Variants in NACAD observed in about 807,000 individuals in gnomAD.
The protein encoded by NACAD is NAC alpha domain containing.
In NACAD, 47 loss-of-function variants were observed where a neutral mutation model predicts 98.9. The observed-to-expected ratio is 0.48, with a 90% CI of 0.38 to 0.61. The LOEUF (loss-of-function observed/expected upper bound fraction) is 0.61. Among genes scored for constraint, NACAD ranks in the 20% least tolerant of loss-of-function variants. The pLI is 0.00. For synonymous variants in NACAD, 696 were observed against 767.2 expected (o/e 0.91, Z 1.53); for missense variants, 1,412 against 1,748.2 (o/e 0.81, Z 3.43).
chr7:45,086,174 C>G, intron 1 of NACAD, 62 bp from the exon 2 acceptor site: 3 of 1,499,418 alleles, frequency 2.0e-6, no homozygotes, highest in Non-Finnish European at 2.7e-6. Context: ...AGGGCCAGGC[C>G]CGGGGAGATG....
rs1310448830 is a variant in NACAD, at chr7:45,084,864, C to T, written c.1316G>A (p.Gly439Glu). ...AGCCTCCACGGCCCAGGACACAGTC[C>T]CATCCTGAGCCTGCAGCCCCTTGGC... is the stretch of plus-strand genomic sequence containing the variant. The part of the protein sequence containing the change: ...GGAKGLQAQD[G>E]TVSWAVEAAP... The change falls in exon 2 of 8, where the codon GGG becomes GAG. Residue 439 changes from glycine to glutamate, a missense_variant. By Grantham distance (98) the Gly-to-Glu change is moderately conservative. Coordinates refer to ENST00000490531, the MANE Select transcript of NACAD (RefSeq NM_001146334.2). 1 of 1,550,988 alleles carries T rather than the reference C, an allele frequency of 6.4e-7. No individual in the cohort carries two copies.
At chr7:45,081,709 G>A (rs1363177880) in intron 3 of NACAD, 37 bp from the exon 4 acceptor site, 1 of 1,551,182 alleles carries the variant, frequency 6.4e-7, no homozygotes, top group East Asian at 2.4e-5. Flanking sequence ...CATGGGTGGG[G>A]TGTGGGGCCC....
At position 45,082,874 on chromosome 7, in the gene NACAD, C is replaced by T. The variant is rs1784455929; in HGVS notation, c.3306G>A (p.Glu1102=). Residue 1102 remains glutamate (E), a synonymous_variant, in exon 2 of 8, where the codon GAG becomes GAA. Coordinates refer to ENST00000490531, the MANE Select transcript of NACAD (RefSeq NM_001146334.2). This position sits in a 1 kb window ranked among gnomAD's most constrained non-coding sequence, Gnocchi z 4.5. ...GPRSALGGAR[E]VPDAPPAACP... ...AGGCAGCAGGAGGCGCATCGGGGAC[C>T]TCCCTTGCACCTCCAAGTGCTGACC... The T allele has an allele frequency of 1.3e-6, 2 of 1,550,534 alleles. No homozygotes were observed. The highest frequency in any genetic ancestry group is 2.4e-5 in the South Asian group (2 of 84,054).
rs928317982 is a variant in NACAD, at chr7:45,088,154, C to T, written c.67+674G>A. ...GACCTCCACGCCAGGACTGTCCAGG[C>T]TCGGCTCTTTCTAGGCCCCGTAGAC... On this transcript the variant is annotated intron_variant, in intron 1 of 7. Transcript: ENST00000490531. The surrounding 1 kb of genome is among the most constrained non-coding windows in gnomAD (Gnocchi z 5.7). 1.3e-5 allele frequency among the ~76,000 whole-genome samples: 2 copies of T among 152,214 alleles called. No individual in the cohort carries two copies. The highest frequency in any genetic ancestry group is 2.4e-5 in the African/African-American group (1 of 41,466).
Position 45,084,897 on chromosome 7 carries a change from C to T in NACAD, c.1283G>A (p.Gly428Glu), listed in dbSNP as rs545435444. Residue 428 changes from glycine to glutamate, a missense_variant, in exon 2 of 8, where the codon GGA becomes GAA. By Grantham distance (98) the Gly-to-Glu change is moderately conservative (BLOSUM62 -2). Coordinates refer to ENST00000490531, the MANE Select transcript of NACAD (RefSeq NM_001146334.2). ...DSVQKTEEES[G>E]GGAKGLQAQD... is the part of the protein sequence containing the mutation. The stretch of plus-strand genomic sequence containing the variant: ...AGCCTGCAGCCCCTTGGCCCCACCT[C>T]CGCTCTCCTCCTCTGTCTTCTGGAC... 7 of 1,551,084 alleles carry T rather than the reference C, an allele frequency of 4.5e-6. No homozygotes were observed. Among genetic ancestry groups the T allele is most frequent in the African/African-American group, 4.1e-5 (3 of 73,162 alleles).
chr7:45,081,643 G>A lies in NACAD; in HGVS notation c.4215C>T (p.Ile1405=), dbSNP rs1051840874. 8 of 1,551,278 alleles carry A rather than the reference G, an allele frequency of 5.2e-6. No homozygotes were observed. The highest frequency in any genetic ancestry group is 4.1e-5 in the African/African-American group (3 of 73,030). Residue 1405 remains isoleucine (I), a synonymous_variant, in exon 4 of 8, where the codon ATC becomes ATT. Coordinates refer to ENST00000490531, the MANE Select transcript of NACAD (RefSeq NM_001146334.2). The stretch of plus-strand genomic sequence containing the variant: ...CACTGCGACTCTGCTTGGCTTTGGC[G>A]ATGGTCTCCTCACTGCCGCCTGCTG... The part of the protein sequence containing the change: ...QAPAGGSEET[I]AKAKQSRSEK...
chr7:45,083,089 G>C lies in NACAD; in HGVS notation c.3091C>G (p.Pro1031Ala). The C allele has an allele frequency of 6.4e-7, 1 of 1,550,808 alleles. No individual in the cohort carries two copies. Among genetic ancestry groups the C allele is most frequent in the Non-Finnish European group, 8.7e-7 (1 of 1,147,012 alleles). Residue 1031 changes from proline to alanine, a missense_variant, in exon 2 of 8, where the codon CCT becomes GCT. Physicochemically the swap from Pro to Ala is conservative, Grantham distance 27. Coordinates refer to ENST00000490531, the MANE Select transcript of NACAD (RefSeq NM_001146334.2). The stretch of plus-strand genomic sequence containing the variant: ...TCCCCAGCACCAGAGGCCGGCTCAG[G>C]GAGACTGAGGGCCTCCATGCCCAAA... Reference protein sequence around the residue: ...STLGMEALSLPEPASGAGEEI... With the variant: ...STLGMEALSLAEPASGAGEEI...
Position 45,083,066 on chromosome 7 carries a change from C to T in NACAD, c.3114G>A (p.Gly1038=). 1 of 1,550,902 alleles carries T rather than the reference C, an allele frequency of 6.4e-7. No individual in the cohort carries two copies. Among genetic ancestry groups the T allele is most frequent in the Non-Finnish European group, 8.7e-7 (1 of 1,147,016 alleles). Reference sequence around the variant, plus strand: ...TAGAAAGGGCTTCTGCTATTTCCTCCCCAGCACCAGAGGCCGGCTCAGGGA... The same window carrying T: ...TAGAAAGGGCTTCTGCTATTTCCTCTCCAGCACCAGAGGCCGGCTCAGGGA... ...LSLPEPASGA[G]EEIAEALSRP... Residue 1038 remains glycine, a synonymous_variant, in exon 2 of 8, where the codon GGG becomes GGA. Transcript: ENST00000490531.
chr7:45,080,838 A>T, intron 6 of NACAD, 38 bp downstream of exon 6: 1 of 1,549,466 alleles, frequency 6.5e-7, no homozygotes, highest in East Asian at 2.4e-5. Context: ...AGCGCCTCCC[A>T]CCACCCCCTG....
chr7:45,088,725 G>C lies in NACAD; in HGVS notation c.67+103C>G, dbSNP rs1035627659. The C allele has an allele frequency of 4.1e-3, 3,919 of 967,442 alleles. 14 individuals carry two copies. Among genetic ancestry groups the C allele is most frequent in the Non-Finnish European group, 5.1e-3 (3,638 of 712,378 alleles). 59.9% of individuals were successfully genotyped at this position (967,442 alleles called of 1,614,324 possible). Reference sequence around the variant, plus strand: ...GGAAAGGGGAGGGGACTCGAGGGGGGCCAGGGGGATGGGGGAGAGGGGTGA... The same window carrying C: ...GGAAAGGGGAGGGGACTCGAGGGGGCCCAGGGGGATGGGGGAGAGGGGTGA... On this transcript the variant is annotated intron_variant, in intron 1 of 7. Coordinates refer to ENST00000490531, the MANE Select transcript of NACAD (RefSeq NM_001146334.2). This position sits in a 1 kb window ranked among gnomAD's most constrained non-coding sequence, Gnocchi z 5.7.
At position 45,083,160 on chromosome 7, in the gene NACAD, GC is replaced by G; in HGVS notation, c.3019del (p.Ala1007GlnfsTer35). On this transcript the variant is annotated frameshift_variant, in exon 2 of 8. Transcript: ENST00000490531. LOFTEE classifies it high-confidence loss of function. ...QVQQDDPQPA[A>X]EAGTPWAAQE... The stretch of plus-strand genomic sequence containing the variant: ...TGCGGCCCAAGGTGTCCCAGCTTCT[GC>G]AGCTGGCTGTGGGTCATCCTGTTGG... 1 of 1,550,852 alleles carries G rather than the reference GC, an allele frequency of 6.4e-7. No homozygotes were observed. Among genetic ancestry groups the G allele is most frequent in the South Asian group, 1.2e-5 (1 of 84,066 alleles).
chr7:45,087,650 A>AGAGCCCT, intron 1 of NACAD, among the ~76,000 whole-genome samples: 1 of 152,390 alleles, frequency 6.6e-6, no homozygotes, highest in Admixed American at 6.5e-5. Context: ...CAGCAGCATC[A>AGAGCCCT]GAGCCCTGAG....
chr7:45,081,061 C>T (rs777437007), intron 5 of NACAD, 39 bp from the exon 6 acceptor site: 40 of 1,550,368 alleles, frequency 2.6e-5, no homozygotes, highest in Non-Finnish European at 3.4e-5. Context: ...AGAGCCTGTC[C>T]CCCCCTTGTC....
chr7:45,084,740 A>C lies in NACAD; in HGVS notation c.1440T>G (p.Thr480=). Residue 480 remains threonine (T), a synonymous_variant, in exon 2 of 8, where the codon ACT becomes ACG. Transcript: ENST00000490531. ...GCAGAGTGTGAGGGGTCACAGTGGC[A>C]GTGGACTCCTGGCCTAAAGCAAGGC... ...EEGLALGQES[T]ATVTPHTLQV... 1 of 1,551,078 alleles carries C rather than the reference A, an allele frequency of 6.4e-7. No individual in the cohort carries two copies. Among genetic ancestry groups the C allele is most frequent in the Non-Finnish European group, 8.7e-7 (1 of 1,146,900 alleles).
chr7:45,086,198 T>C lies in NACAD; in HGVS notation c.68-86A>G, dbSNP rs933738592. The C allele has an allele frequency of 9.2e-5, 130 of 1,405,788 alleles. 1 individual carries two copies. The South Asian group carries it at 1.4e-3, about 15-fold the overall frequency. The allele number at this position is 1,405,788 out of a possible 1,614,324, so 87.1% of individuals were successfully genotyped here. On this transcript the variant is annotated intron_variant, in intron 1 of 7. Coordinates refer to ENST00000490531, the MANE Select transcript of NACAD (RefSeq NM_001146334.2). ...CCCGGGGAGATGAATTCCGGCTGCA[T>C]AGGGCCCAGAGGAAGGTGGATCCAG... is the stretch of plus-strand genomic sequence containing the variant.
At chr7:45,087,993 ACTCCCTGC>A (rs966759105) in intron 1 of NACAD, among the ~76,000 whole-genome samples, 1 of 152,094 alleles carries the variant, frequency 6.6e-6, no homozygotes, top group African/African-American at 2.4e-5. Context: ...CTGGGCCTGC[ACTCCCTGC>A]CTCCCACCTA....
In NACAD at chr7:45,088,951, C is replaced by T; in HGVS notation, c.-57G>A. 6.4e-6 allele frequency: 8 copies of T among 1,254,152 alleles called. No homozygotes were observed. The highest frequency in any genetic ancestry group is 2.7e-5 in the South Asian group (1 of 37,606). The allele number at this position is 1,254,152 out of a possible 1,614,324, so 77.7% of individuals were successfully genotyped here. On this transcript the variant is annotated 5_prime_UTR_variant, in exon 1 of 8. Transcript: ENST00000490531. This position sits in a 1 kb window ranked among gnomAD's most constrained non-coding sequence, Gnocchi z 5.7. Reference sequence around the variant, plus strand: ...CCTTCCGACCCTCCGTCAGTCCGTGCCGCCGCCCCGCCGAGCCTGCGCGGC... The same window carrying T: ...CCTTCCGACCCTCCGTCAGTCCGTGTCGCCGCCCCGCCGAGCCTGCGCGGC...
chr7:45,080,888 C>T lies in NACAD; in HGVS notation c.4539G>A (p.Glu1513=). ...VRLECKEEEE[E]EEEEVDEAGL... ...CCCTGCACTTCACCTCTTCCTCCTC[C>T]TCCTCTTCCTCTTCCTTGCACTCCA... Residue 1513 remains glutamate (E), a synonymous_variant, in exon 6 of 8, where the codon GAG becomes GAA. Transcript: ENST00000490531. The T allele has an allele frequency of 1.9e-6, 3 of 1,557,752 alleles. No homozygotes were observed. Among genetic ancestry groups the T allele is most frequent in the Non-Finnish European group, 1.7e-6 (2 of 1,150,706 alleles).
At position 45,088,617 on chromosome 7, in the gene NACAD, G is replaced by T. The variant is rs962098148; in HGVS notation, c.67+211C>A. Among the ~76,000 whole-genome samples the T allele has an allele frequency of 1.6e-4, 24 of 152,188 alleles. No individual in the cohort carries two copies. The highest frequency in any genetic ancestry group is 5.1e-4 in the African/African-American group (21 of 41,456). ...AGCCCCCACGTTCTTTCTGGCTCGC[G>T]GCGGGCACTTCGTGCGCCCCACCTT... is the stretch of plus-strand genomic sequence containing the variant. On this transcript the variant is annotated intron_variant, in intron 1 of 7. Coordinates refer to ENST00000490531, the MANE Select transcript of NACAD (RefSeq NM_001146334.2). The surrounding 1 kb of genome is among the most constrained non-coding windows in gnomAD (Gnocchi z 5.7).
Sources: allele counts gnomAD v4.1 joint callset (sites outside exome capture counted in the v4.1 genomes callset), GRCh38; gene constraint gnomAD v4.1.1; non-coding constraint Gnocchi (gnomAD v3.1); transcripts MANE v1.5; gene names NCBI Gene and HGNC (gene_info 2026-07-23, HGNC 2026-07-21).